Variants in PDE4D observed in about 807,000 individuals in gnomAD.
PDE4D encodes phosphodiesterase 4D, also known as 3',5'-cyclic-AMP phosphodiesterase 4D.
A neutral mutation model predicts 87.4 loss-of-function variants in PDE4D; 24 were observed. That is an observed-to-expected ratio of 0.27 (90% confidence interval 0.20 to 0.39). PDE4D has a LOEUF of 0.39. Ranked by LOEUF, PDE4D falls within the 10% of genes least tolerant of loss-of-function variation. PDE4D has a pLI of 1.00. For synonymous variants in PDE4D, 384 were observed against 383.2 expected (o/e 1.00, Z -0.02); for missense variants, 714 against 1,041.0 (o/e 0.69, Z 4.32).
At chr5:59,270,813 C>A (rs1158439583) in intron 1 of PDE4D, among the ~76,000 whole-genome samples, 4 of 152,094 alleles carry the variant, frequency 2.6e-5, no homozygotes, top group African/African-American at 9.7e-5. Context: ...AGCTGAAGAA[C>A]CAGAGCACGT....
chr5:60,283,499 T>A (rs1010968980), intron 1 of PDE4D, among the ~76,000 whole-genome samples: 1 of 152,200 alleles, frequency 6.6e-6, no homozygotes, highest in African/African-American at 2.4e-5. Flanking sequence ...CTAAATGCTC[T>A]ACTGAAAAGT....
chr5:59,555,742 T>C (rs1019613903), intron 1 of PDE4D, among the ~76,000 whole-genome samples: 1 of 152,158 alleles, frequency 6.6e-6, no homozygotes, highest in Non-Finnish European at 1.5e-5. Context: ...ACAGCATCAC[T>C]GACACCATTG....
intron 1 of PDE4D, among the ~76,000 whole-genome samples, chr5:60,431,397 T>G (rs1188486768): frequency 3.4e-4 from 37 of 107,968 alleles, no homozygotes; most frequent in Middle Eastern, 7.9e-3. Flanking sequence ...CCCAGACGGG[T>G]TCGCGGCCGG....
At chr5:60,233,114 T>C (rs935730472) in intron 1 of PDE4D, among the ~76,000 whole-genome samples, 11 of 151,460 alleles carry the variant, frequency 7.3e-5, no homozygotes, top group Non-Finnish European at 1.0e-4. Flanking sequence ...AGCAGAAACA[T>C]GCAAACTCAA....
At chr5:60,275,553 TGGCATTTTGAA>T (rs1217214531) in intron 1 of PDE4D, among the ~76,000 whole-genome samples, 1 of 151,854 alleles carries the variant, frequency 6.6e-6, no homozygotes, top group Non-Finnish European at 1.5e-5. Flanking sequence ...AATAGGGTAT[TGGCATTTTGAA>T]GGCCACAATG....
chr5:59,325,759 T>C (rs1337041504), intron 1 of PDE4D, among the ~76,000 whole-genome samples: 1 of 152,172 alleles, frequency 6.6e-6, no homozygotes, highest in Non-Finnish European at 1.5e-5. Flanking sequence ...ATTGACAGTC[T>C]GCTTATTCAC....
intron 1 of PDE4D, among the ~76,000 whole-genome samples, chr5:59,276,589 C>G (rs1244437223): frequency 1.3e-5 from 2 of 152,016 alleles, no homozygotes; most frequent in African/African-American, 4.8e-5. Context: ...TAACAGGCAC[C>G]CTTGGATCAG....
chr5:59,802,857 T>G (rs902664009), intron 1 of PDE4D, among the ~76,000 whole-genome samples: 15 of 152,308 alleles, frequency 9.8e-5, no homozygotes, highest in African/African-American at 3.6e-4. Context: ...TGCTCCCTGC[T>G]AGGCAGTGCA....
intron 1 of PDE4D, among the ~76,000 whole-genome samples, chr5:59,577,669 CA>C (rs1427499381): frequency 1.3e-5 from 2 of 152,054 alleles, no homozygotes; most frequent in Admixed American, 6.6e-5. Context: ...AAAAATTCTA[CA>C]AAGCAAGCTC....
At chr5:59,663,119 A>G (rs1745511596) in intron 1 of PDE4D, among the ~76,000 whole-genome samples, 1 of 152,168 alleles carries the variant, frequency 6.6e-6, no homozygotes, top group Non-Finnish European at 1.5e-5. Context: ...ATAGGAAATA[A>G]GATTTAGAAA....
intron 1 of PDE4D, among the ~76,000 whole-genome samples, chr5:59,481,545 C>G (rs1159460429): frequency 6.6e-6 from 1 of 152,034 alleles, no homozygotes; most frequent in African/African-American, 2.4e-5. Flanking sequence ...ATTTCTGACC[C>G]CTATTCCCTG....
In PDE4D at chr5:59,741,221, C is replaced by A. The variant is rs185353216; in HGVS notation, c.455+151947G>T. Among the ~76,000 whole-genome samples the A allele has an allele frequency of 3.2e-3, 487 of 152,284 alleles. 2 individuals carry two copies. Among genetic ancestry groups the A allele is most frequent in the African/African-American group, 0.011 (466 of 41,564 alleles). On this transcript the variant is annotated intron_variant, in intron 1 of 14. Coordinates refer to ENST00000340635, the MANE Select transcript of PDE4D (RefSeq NM_001104631.2). ...TTTCCTAAATGTGTGACCTTGGACA[C>A]TTTTCTGTGCCATCCTGAACCTCAG...
chr5:59,036,057 G>A (rs954690540), intron 6 of PDE4D, among the ~76,000 whole-genome samples: 1 of 152,174 alleles, frequency 6.6e-6, no homozygotes, highest in African/African-American at 2.4e-5. Flanking sequence ...GTTGCTCCTA[G>A]AGCATCATTT....
intron 1 of PDE4D, among the ~76,000 whole-genome samples, chr5:59,741,929 G>A (rs560344069): frequency 1.3e-5 from 2 of 152,264 alleles, no homozygotes; most frequent in South Asian, 2.1e-4. Flanking sequence ...TTGGGATTAG[G>A]AGTCTGGCCC....
chr5:59,459,770 G>A (rs1210718328), intron 1 of PDE4D, among the ~76,000 whole-genome samples: 1 of 152,172 alleles, frequency 6.6e-6, no homozygotes, highest in Non-Finnish European at 1.5e-5. Context: ...ATTCAGTCCT[G>A]TGTGGTTGTT....
At chr5:60,059,609 A>G (rs573658746) in intron 2 of PDE4D, among the ~76,000 whole-genome samples, 1 of 152,142 alleles carries the variant, frequency 6.6e-6, no homozygotes, top group African/African-American at 2.4e-5. Flanking sequence ...AGACTGAGAG[A>G]GAGAAATTGC....
At chr5:59,170,469 G>C (rs1782584117) in intron 5 of PDE4D, among the ~76,000 whole-genome samples, 1 of 152,152 alleles carries the variant, frequency 6.6e-6, no homozygotes, top group Admixed American at 6.6e-5. Context: ...AATATTGTTA[G>C]GGCGGGTCTC....
At chr5:59,012,262 A>G (rs1752972964) in intron 6 of PDE4D, among the ~76,000 whole-genome samples, 1 of 152,240 alleles carries the variant, frequency 6.6e-6, no homozygotes, top group African/African-American at 2.4e-5. Context: ...CAAAATAACC[A>G]GCTAACATCA....
intron 2 of PDE4D, among the ~76,000 whole-genome samples, chr5:59,214,066 ACACAC>A (rs1472688999): frequency 1.1e-4 from 16 of 151,158 alleles, no homozygotes; most frequent in Non-Finnish European, 1.9e-4. Context: ...ACACACACAC[ACACAC>A]ACACACAACC....
Sources: allele counts gnomAD v4.1 joint callset (sites outside exome capture counted in the v4.1 genomes callset), GRCh38; gene constraint gnomAD v4.1.1; transcripts MANE v1.5; gene names NCBI Gene and HGNC (gene_info 2026-07-23, HGNC 2026-07-21).